The following UBE2E2 variants were observed in gnomAD, a reference collection of about 807,000 sequenced individuals.
UBE2E2 encodes the protein ubiquitin conjugating enzyme E2 E2, also known as ubiquitin-conjugating enzyme E2 E2.
Under a neutral mutation model 24.7 loss-of-function variants are expected in UBE2E2, and 6 were observed. That is an observed-to-expected ratio of 0.24 (90% CI 0.13 to 0.48). UBE2E2 has a LOEUF of 0.48. Among genes scored for constraint, UBE2E2 ranks in the 20% least tolerant of loss-of-function variants. The probability of loss-of-function intolerance (pLI) is 0.99; values close to 1 mark genes in which losing one functional copy is unlikely to be tolerated. For missense variants in UBE2E2, 169 were observed against 245.0 expected (o/e 0.69, Z 2.07); for synonymous variants, 104 against 83.6 (o/e 1.24, Z -1.33).
At chr3:23,427,599 TATAC>T (rs1214362797) in intron 3 of UBE2E2, among the ~76,000 whole-genome samples, 1 of 152,184 alleles carries the variant, frequency 6.6e-6, no homozygotes, top group East Asian at 1.9e-4. Flanking sequence ...GTGGCCTAAA[TATAC>T]AAATTAAATG....
At chr3:23,448,725 T>G (rs898805622) in intron 3 of UBE2E2, among the ~76,000 whole-genome samples, 1 of 152,190 alleles carries the variant, frequency 6.6e-6, no homozygotes, top group East Asian at 1.9e-4. Flanking sequence ...CTCATCTTTC[T>G]TGTAATGTAG....
intron 3 of UBE2E2, among the ~76,000 whole-genome samples, chr3:23,370,693 A>G (rs1338554621): frequency 6.6e-6 from 1 of 152,200 alleles, no homozygotes. Context: ...TGTGAAGGAG[A>G]TGGAGGAGAT....
chr3:23,582,038 TA>T (rs1217251575), intron 5 of UBE2E2, among the ~76,000 whole-genome samples: 1 of 152,204 alleles, frequency 6.6e-6, no homozygotes, highest in African/African-American at 2.4e-5. Flanking sequence ...GTAGTTTTTC[TA>T]TCCTCACCCT....
chr3:23,460,691 AAG>A (rs1698789766), intron 3 of UBE2E2, among the ~76,000 whole-genome samples: 1 of 152,288 alleles, frequency 6.6e-6, no homozygotes, highest in South Asian at 2.1e-4. Context: ...GTGTTCCTGA[AAG>A]AGGTGGTTTT....
chr3:23,542,959 T>C (rs934978327), intron 5 of UBE2E2, among the ~76,000 whole-genome samples: 7 of 152,334 alleles, frequency 4.6e-5, no homozygotes, highest in South Asian at 2.1e-4. Flanking sequence ...TAGCTGTTGA[T>C]ACAAATTTTC....
At chr3:23,468,272 G>A (rs1698964873) in intron 3 of UBE2E2, among the ~76,000 whole-genome samples, 1 of 152,020 alleles carries the variant, frequency 6.6e-6, no homozygotes, top group Admixed American at 6.5e-5. Context: ...TCAATTGTTA[G>A]CACACACTTC....
At chr3:23,344,992 G>C (rs561238257) in intron 3 of UBE2E2, among the ~76,000 whole-genome samples, 1 of 152,068 alleles carries the variant, frequency 6.6e-6, no homozygotes, top group East Asian at 1.9e-4. Context: ...TCTCCCCCAG[G>C]TGTGCAGCCT....
intron 3 of UBE2E2, among the ~76,000 whole-genome samples, chr3:23,485,236 C>T (rs950273308): frequency 6.6e-6 from 1 of 151,686 alleles, no homozygotes; most frequent in Non-Finnish European, 1.5e-5. Context: ...GCTGGGAGTA[C>T]AGGTGCCTAT....
At chr3:23,568,643 ACG>A (rs1201761243) in intron 5 of UBE2E2, among the ~76,000 whole-genome samples, 69 of 146,656 alleles carry the variant, frequency 4.7e-4, no homozygotes, top group Non-Finnish European at 9.1e-4. Context: ...ATACATATAT[ACG>A]CACATATATG....
At chr3:23,265,039 A>G (rs1297479440) in intron 3 of UBE2E2, among the ~76,000 whole-genome samples, 1 of 152,148 alleles carries the variant, frequency 6.6e-6, no homozygotes, top group African/African-American at 2.4e-5. Context: ...AAGGTGAGAA[A>G]GCGGCAAACC....
intron 3 of UBE2E2, among the ~76,000 whole-genome samples, chr3:23,272,332 C>T (rs1468741504): frequency 3.9e-5 from 6 of 152,008 alleles, no homozygotes; most frequent in African/African-American, 1.2e-4. Context: ...CCACCCAGAA[C>T]TTTCACTGGC....
chr3:23,400,627 C>CACACACACAT (rs1697200212), intron 3 of UBE2E2, among the ~76,000 whole-genome samples: 1 of 151,696 alleles, frequency 6.6e-6, no homozygotes, highest in Non-Finnish European at 1.5e-5. Context: ...CACACACACA[C>CACACACACAT]ACACACACAC....
chr3:23,455,261 C>G (rs140639288), intron 3 of UBE2E2, among the ~76,000 whole-genome samples: 1 of 152,200 alleles, frequency 6.6e-6, no homozygotes, highest in African/African-American at 2.4e-5. Flanking sequence ...ACTGCAGGTT[C>G]GGCTCGAGAC....
chr3:23,209,361 T>TA (rs1010888382), intron 2 of UBE2E2, among the ~76,000 whole-genome samples: 8 of 152,220 alleles, frequency 5.3e-5, no homozygotes, highest in Non-Finnish European at 1.2e-4. Context: ...TCCATCTTGA[T>TA]ACGGATTTTC....
intron 3 of UBE2E2, among the ~76,000 whole-genome samples, chr3:23,394,040 A>G (rs1471568906): frequency 1.3e-5 from 2 of 152,204 alleles, no homozygotes; most frequent in African/African-American, 4.8e-5. Context: ...TGAAAACAGA[A>G]AAAAGCAGCA....
intron 3 of UBE2E2, among the ~76,000 whole-genome samples, chr3:23,386,844 G>A (rs902412374): frequency 5.9e-5 from 9 of 152,130 alleles, no homozygotes; most frequent in Admixed American, 5.9e-4. Context: ...AGATTTGCTG[G>A]CCATTCAGTT....
intron 3 of UBE2E2, among the ~76,000 whole-genome samples, chr3:23,261,458 TTA>T (rs1334220114): frequency 6.6e-5 from 10 of 152,314 alleles, no homozygotes; most frequent in African/African-American, 1.9e-4. Context: ...CCAATTTTTT[TTA>T]TGTTTGTGTG....
chr3:23,289,133 A>G (rs920019609), intron 3 of UBE2E2, among the ~76,000 whole-genome samples: 12 of 152,174 alleles, frequency 7.9e-5, no homozygotes, highest in African/African-American at 2.9e-4. Context: ...TATTTGGCCA[A>G]CTTGCTCCTC....
intron 3 of UBE2E2, among the ~76,000 whole-genome samples, chr3:23,371,486 G>A (rs933794445): frequency 2.0e-5 from 3 of 152,064 alleles, no homozygotes; most frequent in African/African-American, 7.3e-5. Context: ...TCTACCAAGC[G>A]AGGTATTTTA....
Sources: gnomAD v4.1 joint callset for allele counts (sites outside exome capture counted in the v4.1 genomes callset) on GRCh38, gnomAD v4.1.1 for gene constraint, MANE v1.5 for transcripts, NCBI Gene and HGNC (gene_info 2026-07-23, HGNC 2026-07-21) for gene names.